CRIP2: variants seen among roughly 807,000 people sequenced by gnomAD.
CRIP2 encodes the protein cysteine-rich protein 2.
A neutral mutation model predicts 31.3 loss-of-function variants in CRIP2; 31 were observed. That is an observed-to-expected ratio of 0.99 (90% CI 0.74 to 1.34). The LOEUF is 1.34. CRIP2 is among the 40% of genes most tolerant of loss of function. The pLI is 0.00. For missense variants in CRIP2, 389 were observed against 301.6 expected, an observed-to-expected ratio of 1.29 and a Z score of -2.15; for synonymous variants, 177 against 127.2, an observed-to-expected ratio of 1.39 and a Z score of -2.63.
At chr14:105,475,977 G>C in intron 1 of CRIP2, 2 of 985,560 alleles carry the variant, frequency 2.0e-6, no homozygotes, top group Non-Finnish European at 2.4e-6. Flanking sequence ...ACAGGCTGGA[G>C]GGGGTTGAGG....
chr14:105,479,078 C>T (rs1047057001), intron 5 of CRIP2, 31 bp downstream of exon 5: 15 of 1,578,262 alleles, frequency 9.5e-6, no homozygotes, highest in Non-Finnish European at 1.3e-5. Flanking sequence ...CGGACCCCCG[C>T]CCCCGCCCCC....
In CRIP2 at chr14:105,474,881, A is replaced by T. The variant is rs782768323; in HGVS notation, c.19A>T (p.Lys7Ter). The T allele has an allele frequency of 1.7e-5, 26 of 1,517,784 alleles. No homozygotes were observed. The highest frequency in any genetic ancestry group is 8.8e-7 in the Non-Finnish European group (1 of 1,132,786). The allele number at this position is 1,517,784 out of a possible 1,614,324, so 94.0% of individuals were successfully genotyped here. A position where few individuals can be genotyped will look rare whatever the true frequency, so the allele number is the denominator to read the frequency against. ...ACCGACCATGGCCTCCAAATGCCCC[A>T]AGTGCGACAAGACCGTGTACTTCGG... MASKCPKCDKTVYFAEK... is the reference protein window; with the variant it reads MASKCP The change falls in exon 1 of 8, where the codon AAG (lysine) becomes TAG (stop). Residue 7 changes from lysine (K) to a stop codon, truncating the protein, a stop_gained. Coordinates refer to ENST00000329146, the MANE Select transcript of CRIP2 (RefSeq NM_001312.4). LOFTEE classifies it high-confidence loss of function. This position sits in a 1 kb window ranked among gnomAD's most constrained non-coding sequence, Gnocchi z 5.1.
chr14:105,475,699 C>G (rs1467271519), intron 1 of CRIP2, among the ~76,000 whole-genome samples: 2 of 152,236 alleles, frequency 1.3e-5, no homozygotes, highest in Non-Finnish European at 2.9e-5. Flanking sequence ...CTAGCCCCTC[C>G]GGCAGGCGCG....
Position 105,478,203 on chromosome 14 carries a change from T to TG in CRIP2, c.44-58dup. 1 of 1,310,178 alleles carries TG rather than the reference T, an allele frequency of 7.6e-7. No homozygotes were observed. Among genetic ancestry groups the TG allele is most frequent in the African/African-American group, 1.6e-5 (1 of 63,140 alleles). The allele number at this position is 1,310,178 out of a possible 1,614,324, so 81.2% of individuals were successfully genotyped here. On this transcript the variant is annotated intron_variant, in intron 1 of 7. Transcript: ENST00000329146. The surrounding 1 kb of genome is among the most constrained non-coding windows in gnomAD (Gnocchi z 4.9). Reference sequence around the variant, plus strand: ...GCGCGTGGGGGTGGTGGCTGCCAGGTGGGGGCGGAGGGGGTGCGGGGCGCG... The same window carrying TG: ...GCGCGTGGGGGTGGTGGCTGCCAGGTGGGGGGCGGAGGGGGTGCGGGGCGCG...
intron 1 of CRIP2, chr14:105,476,784 G>A (rs2083940822): frequency 5.1e-6 from 5 of 984,942 alleles, no homozygotes; most frequent in Non-Finnish European, 6.0e-6. Flanking sequence ...CTGGTCAGAG[G>A]GCTCTAAGCT....
At chr14:105,473,154 T>C, upstream of CRIP2, 2 of 1,442,988 alleles carry the variant, frequency 1.4e-6, no homozygotes, top group Non-Finnish European at 1.9e-6. Context: ...AGTGGGCCCA[T>C]GAATCCAGCC....
chr14:105,478,214 G>A lies in CRIP2; in HGVS notation c.44-52G>A. On this transcript the variant is annotated intron_variant, in intron 1 of 7. Transcript: ENST00000329146. The surrounding 1 kb of genome is among the most constrained non-coding windows in gnomAD (Gnocchi z 4.9). ...TGGTGGCTGCCAGGTGGGGGCGGAG[G>A]GGGTGCGGGGCGCGCCCCGGCCCTG... 1.4e-6 allele frequency: 2 copies of A among 1,388,896 alleles called. No individual in the cohort carries two copies. Among genetic ancestry groups the A allele is most frequent in the Non-Finnish European group, 9.5e-7 (1 of 1,054,214 alleles). 86.0% of individuals were successfully genotyped at this position (1,388,896 alleles called of 1,614,324 possible).
chr14:105,476,133 G>C (rs1268066139), intron 1 of CRIP2: 1 of 985,378 alleles, frequency 1.0e-6, no homozygotes, highest in Non-Finnish European at 1.2e-6. Context: ...GGCTGTCTCT[G>C]TAAGGCTTAG....
chr14:105,473,239 TACTG>T (rs1273224979), upstream of CRIP2: 8 of 1,530,092 alleles, frequency 5.2e-6, no homozygotes, highest in Admixed American at 6.0e-5. Flanking sequence ...CCAGAAAAGG[TACTG>T]ACTGATGCCT....
Position 105,479,961 on chromosome 14 carries a change from C to T in CRIP2, c.*308C>T. ...GTCCCCGTGGCGCTGTCCGCTCTCC[C>T]TCTCCTGCTGCCCACCCACCTGCCA... On this transcript the variant is annotated 3_prime_UTR_variant, in exon 8 of 8. Transcript: ENST00000329146. 4.8e-6 allele frequency: 2 copies of T among 419,640 alleles called. No individual in the cohort carries two copies. The highest frequency in any genetic ancestry group is 8.8e-6 in the Non-Finnish European group (2 of 227,216). 26.0% of individuals were successfully genotyped at this position (419,640 alleles called of 1,614,324 possible). A position where few individuals can be genotyped will look rare whatever the true frequency, so the allele number is the denominator to read the frequency against.
Position 105,479,968 on chromosome 14 carries a change from G to T in CRIP2, c.*315G>T. 1 of 393,922 alleles carries T rather than the reference G, an allele frequency of 2.5e-6. No individual in the cohort carries two copies. Among genetic ancestry groups the T allele is most frequent in the Non-Finnish European group, 4.7e-6 (1 of 212,128 alleles). 24.4% of individuals were successfully genotyped at this position (393,922 alleles called of 1,614,324 possible). Reference sequence around the variant, plus strand: ...TGGCGCTGTCCGCTCTCCCTCTCCTGCTGCCCACCCACCTGCCAGTGTTAT... The same window carrying T: ...TGGCGCTGTCCGCTCTCCCTCTCCTTCTGCCCACCCACCTGCCAGTGTTAT... On this transcript the variant is annotated 3_prime_UTR_variant, in exon 8 of 8. Transcript: ENST00000329146.
At chr14:105,477,300 T>G in intron 1 of CRIP2, 1 of 985,410 alleles carries the variant, frequency 1.0e-6, no homozygotes, top group Non-Finnish European at 1.2e-6. Context: ...TCCCGGACCC[T>G]CAGCAGCTGC....
At chr14:105,479,263 G>A (rs1214756805) in intron 6 of CRIP2, 44 bp downstream of exon 6, 24 of 1,555,690 alleles carry the variant, frequency 1.5e-5, no homozygotes, top group Non-Finnish European at 2.1e-5. Context: ...CAGGGGCGCG[G>A]GGTCGGGGGG....
chr14:105,473,510 C>T, upstream of CRIP2: 2 of 1,534,680 alleles, frequency 1.3e-6, no homozygotes, highest in Non-Finnish European at 1.7e-6. Flanking sequence ...GCAGAGGGAA[C>T]AGGTAGGTCT....
rs1555436725 is a variant in CRIP2 at position 105,479,156 on chromosome 14, G to A, written c.438G>A (p.Trp146Ter). Reference protein sequence around the residue: ...AEKVTSLGKDWHRPCLRCERC... With the variant: ...AEKVTSLGKD ...AGGTGACGTCTCTGGGCAAGGATTGGCACCGGCCCTGCCTGCGCTGCGAGC... is the reference window on the plus strand; with the variant it reads ...AGGTGACGTCTCTGGGCAAGGATTGACACCGGCCCTGCCTGCGCTGCGAGC... The change falls in exon 6 of 8, where the codon TGG becomes TGA. Residue 146 changes from tryptophan (W) to a stop codon, truncating the protein, a stop_gained. Transcript: ENST00000329146. LOFTEE classifies it high-confidence loss of function. The A allele has an allele frequency of 1.9e-6, 3 of 1,611,778 alleles. No homozygotes were observed. Among genetic ancestry groups the A allele is most frequent in the African/African-American group, 2.7e-5 (2 of 74,996 alleles).
intron 1 of CRIP2, chr14:105,475,833 G>A (rs2141747880): frequency 1.0e-6 from 1 of 985,528 alleles, no homozygotes; most frequent in East Asian, 1.1e-4. Context: ...CTACCCACCA[G>A]CTGCTGCACG....
In CRIP2 at chr14:105,479,946, C is replaced by T. The variant is rs73362060; in HGVS notation, c.*293C>T. 3.6e-4 allele frequency: 170 copies of T among 468,694 alleles called. No homozygotes were observed. The highest frequency in any genetic ancestry group is 2.3e-3 in the African/African-American group (118 of 50,940). 29.0% of individuals were successfully genotyped at this position (468,694 alleles called of 1,614,324 possible). ...CCGCCGACCCTGCGTGTCCCCGTGG[C>T]GCTGTCCGCTCTCCCTCTCCTGCTG... is the stretch of plus-strand genomic sequence containing the variant. On this transcript the variant is annotated 3_prime_UTR_variant, in exon 8 of 8. Coordinates refer to ENST00000329146, the MANE Select transcript of CRIP2 (RefSeq NM_001312.4).
chr14:105,473,292 T>C, upstream of CRIP2: 1 of 1,166,488 alleles, frequency 8.6e-7, no homozygotes, highest in South Asian at 1.4e-5. Context: ...AGGTCCCAAG[T>C]GCAGAGGGGG....
rs781906581 is a variant in CRIP2 at position 105,478,403 on chromosome 14, C to T, written c.138+43C>T. ...GCGCGGGCGGGGGCGGGGGTCGCGA[C>T]TCCCGCCACCCTCAGGCAGGGTCCT... On this transcript the variant is annotated intron_variant, in intron 2 of 7. Coordinates refer to ENST00000329146, the MANE Select transcript of CRIP2 (RefSeq NM_001312.4). This position sits in a 1 kb window ranked among gnomAD's most constrained non-coding sequence, Gnocchi z 4.9. 73 of 1,579,958 alleles carry T rather than the reference C, an allele frequency of 4.6e-5. No individual in the cohort carries two copies. The Admixed American group carries it at 1.2e-3, about 26-fold the overall frequency.
Sources: allele counts gnomAD v4.1 joint callset (sites outside exome capture counted in the v4.1 genomes callset), GRCh38; gene constraint gnomAD v4.1.1; non-coding constraint Gnocchi (gnomAD v3.1); transcripts MANE v1.5; gene names NCBI Gene and HGNC (gene_info 2026-07-23, HGNC 2026-07-21).